ERGIC2: variants seen among roughly 807,000 people sequenced by gnomAD.
ERGIC2 encodes ERGIC and golgi 2.
ERGIC2 carries 31 observed loss-of-function variants against 52.5 expected under a neutral mutation model. The observed-to-expected ratio is 0.59, with a 90% CI of 0.44 to 0.80. The LOEUF is 0.80. Ranked by LOEUF, ERGIC2 falls within the 30% of genes least tolerant of loss-of-function variation. ERGIC2 has a pLI of 0.00. For synonymous variants in ERGIC2, 129 were observed against 140.6 expected, an observed-to-expected ratio of 0.92 and a Z score of 0.58; for missense variants, 395 against 455.2, an observed-to-expected ratio of 0.87 and a Z score of 1.20.
At chr12:29,341,282 T>C in intron 13 of ERGIC2, 64 bp from the exon 14 acceptor site, 1 of 1,282,662 alleles carries the variant, frequency 7.8e-7, no homozygotes, top group Non-Finnish European at 1.1e-6. Context: ...CTCTTTCCTC[T>C]AAACACAAGG....
chr12:29,366,477 A>AT (rs1455109911), intron 5 of ERGIC2, among the ~76,000 whole-genome samples: 1 of 151,980 alleles, frequency 6.6e-6, no homozygotes, highest in Non-Finnish European at 1.5e-5. Context: ...CAGTTCAAAT[A>AT]TTTTAAATAC....
intron 11 of ERGIC2, 145 bp from the exon 12 acceptor site, chr12:29,343,427 T>TA (rs1376101686): frequency 2.0e-6 from 1 of 492,022 alleles, no homozygotes; most frequent in Non-Finnish European, 3.4e-6. Context: ...TGAACTGTCC[T>TA]ACTAGACTAA....
chr12:29,352,051 C>CT (rs1260452445), intron 8 of ERGIC2, among the ~76,000 whole-genome samples: 3 of 151,872 alleles, frequency 2.0e-5, no homozygotes, highest in Non-Finnish European at 4.4e-5. Flanking sequence ...GTCCATATTT[C>CT]TTTTTTTTAA....
At chr12:29,368,495 A>C (rs913485627) in intron 3 of ERGIC2, among the ~76,000 whole-genome samples, 2 of 151,902 alleles carry the variant, frequency 1.3e-5, no homozygotes, top group African/African-American at 2.4e-5. Context: ...TTCTGACTTC[A>C]CAGGTTTTTG....
Position 29,357,644 on chromosome 12 carries a change from G to A in ERGIC2, c.455C>T (p.Thr152Ile), listed in dbSNP as rs371850211. The change falls in exon 7 of 14, where the codon ACA becomes ATA. Residue 152 changes from threonine to isoleucine, a missense_variant. Physicochemically the swap from Thr to Ile is moderately conservative, Grantham distance 89. Transcript: ENST00000360150. ...DVIFKSAFKS[T>I]STALPPREDD... ...TCACCTTGGTGGAAGAGCTGTTGAT[G>A]TACTTTTAAAAGCACTTTTAAATAT... 59 of 1,585,064 alleles carry A rather than the reference G, an allele frequency of 3.7e-5. No individual in the cohort carries two copies. Among genetic ancestry groups the A allele is most frequent in the Middle Eastern group, 1.7e-4 (1 of 5,908 alleles).
intron 1 of ERGIC2, among the ~76,000 whole-genome samples, chr12:29,378,329 C>T (rs1390618023): frequency 6.6e-6 from 1 of 152,078 alleles, no homozygotes; most frequent in Non-Finnish European, 1.5e-5. Flanking sequence ...CTTGCTGACA[C>T]CTTGATTTCA....
At chr12:29,381,081 G>A (rs1940582405) in intron 1 of ERGIC2, 34 bp downstream of exon 1, 2 of 152,240 alleles carry the variant, frequency 1.3e-5, no homozygotes, top group Admixed American at 1.3e-4. Context: ...GAACAACCGA[G>A]GGAACAGCAC....
intron 1 of ERGIC2, among the ~76,000 whole-genome samples, chr12:29,376,660 T>C (rs1003101912): frequency 2.0e-5 from 3 of 152,168 alleles, no homozygotes; most frequent in Non-Finnish European, 4.4e-5. Context: ...CTGCTCTTCA[T>C]TTTCACTGGT....
At chr12:29,364,779 A>G (rs975555323) in intron 5 of ERGIC2, among the ~76,000 whole-genome samples, 2 of 152,058 alleles carry the variant, frequency 1.3e-5, no homozygotes, top group South Asian at 4.1e-4. Flanking sequence ...AAACAACCCC[A>G]TTAAAAAGTC....
chr12:29,345,641 T>C (rs552246765), intron 10 of ERGIC2, 101 bp from the exon 11 acceptor site: 2 of 723,192 alleles, frequency 2.8e-6, no homozygotes, highest in Admixed American at 2.0e-5. Context: ...TAGCTGGATG[T>C]GGTGGCTCAC....
intron 11 of ERGIC2, among the ~76,000 whole-genome samples, chr12:29,344,745 A>C (rs1342224146): frequency 6.6e-6 from 1 of 152,194 alleles, no homozygotes; most frequent in African/African-American, 2.4e-5. Context: ...CACTATATAA[A>C]GGAAAGCAAA....
intron 1 of ERGIC2, among the ~76,000 whole-genome samples, chr12:29,372,139 A>C (rs200911782): frequency 1.3e-5 from 2 of 152,008 alleles, no homozygotes; most frequent in East Asian, 3.9e-4. Context: ...CAGGAGTTTG[A>C]GAAACCAGTC....
chr12:29,341,131 G>T lies in ERGIC2; in HGVS notation c.*25C>A. 1 of 1,568,256 alleles carries T rather than the reference G, an allele frequency of 6.4e-7. No individual in the cohort carries two copies. The highest frequency in any genetic ancestry group is 8.7e-7 in the Non-Finnish European group (1 of 1,146,748). ...AAAGGTTTTATGTCTCAGGCAAAAA[G>T]TTTTTCTCCTTCAATCGGGAGGTGT... On this transcript the variant is annotated 3_prime_UTR_variant, in exon 14 of 14. Transcript: ENST00000360150.
intron 8 of ERGIC2, among the ~76,000 whole-genome samples, chr12:29,354,384 A>G (rs1232449831): frequency 6.6e-6 from 1 of 152,220 alleles, no homozygotes; most frequent in African/African-American, 2.4e-5. Context: ...CATCTGTTTC[A>G]GTCTGCATTT....
chr12:29,364,987 A>T (rs1409226431), intron 5 of ERGIC2, among the ~76,000 whole-genome samples: 5 of 152,156 alleles, frequency 3.3e-5, no homozygotes, highest in Admixed American at 3.3e-4. Context: ...CTGTGGAGAA[A>T]AGGGAACACT....
chr12:29,373,263 C>A (rs955956482), intron 1 of ERGIC2, among the ~76,000 whole-genome samples: 3 of 149,248 alleles, frequency 2.0e-5, no homozygotes, highest in Non-Finnish European at 4.5e-5. Context: ...GTTATAAAGC[C>A]AATCAAATAA....
intron 11 of ERGIC2, among the ~76,000 whole-genome samples, chr12:29,343,532 C>T (rs1237844370): frequency 6.6e-6 from 1 of 152,114 alleles, no homozygotes; most frequent in African/African-American, 2.4e-5. Context: ...AAAAAGGTCA[C>T]CTTAGATACA....
chr12:29,378,877 C>T lies in ERGIC2; in HGVS notation c.-38+2238G>A, dbSNP rs73274820. ...CCATAATTTTATTTTAAAAGATGGG[C>T]AGCAGGACATAATGGCTACCTCACA... On this transcript the variant is annotated intron_variant, in intron 1 of 13. Transcript: ENST00000360150. Among the ~76,000 whole-genome samples the T allele has an allele frequency of 2.8e-3, 419 of 152,216 alleles. 2 individuals carry two copies. Among genetic ancestry groups the T allele is most frequent in the African/African-American group, 9.6e-3 (399 of 41,520 alleles).
At chr12:29,353,137 C>A (rs1454185314) in intron 8 of ERGIC2, among the ~76,000 whole-genome samples, 1 of 152,128 alleles carries the variant, frequency 6.6e-6, no homozygotes, top group Admixed American at 6.5e-5. Flanking sequence ...AAAGGCAATA[C>A]AATGATTAGG....
Sources: gnomAD v4.1 joint callset for allele counts (sites outside exome capture counted in the v4.1 genomes callset) on GRCh38, gnomAD v4.1.1 for gene constraint, MANE v1.5 for transcripts, NCBI Gene and HGNC (gene_info 2026-07-23, HGNC 2026-07-21) for gene names.